The following KCNN3 variants were observed in gnomAD, a reference collection of about 807,000 sequenced individuals.
KCNN3 encodes small conductance calcium-activated potassium channel protein 3.
KCNN3 carries 16 observed loss-of-function variants against 62.9 expected under a neutral mutation model. The observed-to-expected ratio is 0.25, with a 90% CI of 0.17 to 0.39. The LOEUF (loss-of-function observed/expected upper bound fraction) is 0.39. Among genes scored for constraint, KCNN3 ranks in the 10% least tolerant of loss-of-function variants. The probability of loss-of-function intolerance (pLI) is 1.00; values close to 1 mark genes in which losing one functional copy is unlikely to be tolerated. For synonymous variants in KCNN3, 370 were observed against 389.2 expected (o/e 0.95, Z 0.58); for missense variants, 599 against 949.4 (o/e 0.63, Z 4.85).
In KCNN3 at chr1:154,701,558, T is replaced by C. The variant is rs576556644; in HGVS notation, c.*6418A>G. ...GATTCCATGAGTTGCTTAATTTTGCTATAAAGGACAATATCTCAACGGGAA... is the reference window on the plus strand; with the variant it reads ...GATTCCATGAGTTGCTTAATTTTGCCATAAAGGACAATATCTCAACGGGAA... On this transcript the variant is annotated 3_prime_UTR_variant, in exon 8 of 8. Transcript: ENST00000271915. 1.3e-5 allele frequency: 2 copies of C among 149,416 alleles called. No homozygotes were observed. The highest frequency in any genetic ancestry group is 3.9e-4 in the East Asian group (2 of 5,068). 9.3% of individuals were successfully genotyped at this position (149,416 alleles called of 1,614,324 possible). A position where few individuals can be genotyped will look rare whatever the true frequency, so the allele number is the denominator to read the frequency against.
At chr1:154,822,025 G>C in intron 2 of KCNN3, 64 bp downstream of exon 2, 2 of 1,266,950 alleles carry the variant, frequency 1.6e-6, no homozygotes, top group Non-Finnish European at 2.3e-6. Context: ...GTGGGGATGG[G>C]CTCGGCTCAG....
chr1:154,839,924 G>C (rs34292822), intron 1 of KCNN3, among the ~76,000 whole-genome samples: 44,049 of 152,108 alleles, frequency 0.29, 6,721 homozygotes, highest in African/African-American at 0.33. Context: ...GGGCAGGGTG[G>C]GCAGAGAGGC....
chr1:154,725,612 C>T (rs983192712), intron 5 of KCNN3, among the ~76,000 whole-genome samples: 6 of 150,672 alleles, frequency 4.0e-5, no homozygotes, highest in African/African-American at 7.4e-5. Context: ...AGTGCGATCT[C>T]GGCTCACTGC....
chr1:154,734,992 G>A lies in KCNN3; in HGVS notation c.1449-1848C>T, dbSNP rs1038091561. Among the ~76,000 whole-genome samples the A allele has an allele frequency of 2.0e-5, 3 of 150,800 alleles. No individual in the cohort carries two copies. The South Asian group carries it at 6.3e-4, about 32-fold the overall frequency. The stretch of plus-strand genomic sequence containing the variant: ...CCTGGGCTCCAGTAGCAGGTGACCA[G>A]GGGGCTTCAGAGACCAGGGGTCAGA... On this transcript the variant is annotated intron_variant, in intron 3 of 7. Coordinates refer to ENST00000271915, the MANE Select transcript of KCNN3 (RefSeq NM_002249.6).
At chr1:154,814,655 C>T (rs1650583449) in intron 2 of KCNN3, among the ~76,000 whole-genome samples, 1 of 152,194 alleles carries the variant, frequency 6.6e-6, no homozygotes, top group Non-Finnish European at 1.5e-5. Context: ...AAGCGCTAGA[C>T]AAGATGTGGC....
intron 1 of KCNN3, among the ~76,000 whole-genome samples, chr1:154,843,066 C>T (rs1651903077): frequency 6.6e-6 from 1 of 152,142 alleles, no homozygotes; most frequent in African/African-American, 2.4e-5. Context: ...GCTATGAGTG[C>T]CTTCATATCT....
At chr1:154,853,058 C>T (rs1652367536) in intron 1 of KCNN3, among the ~76,000 whole-genome samples, 1 of 152,180 alleles carries the variant, frequency 6.6e-6, no homozygotes, top group Non-Finnish European at 1.5e-5. Context: ...GGCGTAATCA[C>T]AGCTCACTGC....
intron 4 of KCNN3, among the ~76,000 whole-genome samples, chr1:154,727,792 T>C (rs931696750): frequency 6.6e-6 from 1 of 152,186 alleles, no homozygotes; most frequent in Non-Finnish European, 1.5e-5. Context: ...AAGCAAAAAA[T>C]AGCTTAAAAG....
intron 1 of KCNN3, among the ~76,000 whole-genome samples, chr1:154,852,710 T>A (rs1464781475): frequency 6.6e-6 from 1 of 152,262 alleles, no homozygotes; most frequent in Non-Finnish European, 1.5e-5. Flanking sequence ...ATTCTGGCTA[T>A]GTTGGGTTAA....
At chr1:154,722,241 A>G (rs911731644) in intron 5 of KCNN3, among the ~76,000 whole-genome samples, 2 of 152,180 alleles carry the variant, frequency 1.3e-5, no homozygotes, top group African/African-American at 4.8e-5. Context: ...TCAAGGTTGC[A>G]TATACCGGTA....
chr1:154,789,318 C>G (rs1649412262), intron 2 of KCNN3, among the ~76,000 whole-genome samples: 1 of 152,182 alleles, frequency 6.6e-6, no homozygotes, highest in Non-Finnish European at 1.5e-5. Context: ...ACCCAGGATA[C>G]TCTCCTCCAT....
chr1:154,756,856 T>A (rs1028390640), intron 3 of KCNN3, among the ~76,000 whole-genome samples: 1 of 152,226 alleles, frequency 6.6e-6, no homozygotes, highest in African/African-American at 2.4e-5. Flanking sequence ...AAATCATGTG[T>A]GTTTTATGCT....
chr1:154,726,142 C>T lies in KCNN3; in HGVS notation c.1591-116G>A, dbSNP rs1700457226. 8 of 716,056 alleles carry T rather than the reference C, an allele frequency of 1.1e-5. No homozygotes were observed. The East Asian group carries it at 2.2e-4, about 20-fold the overall frequency. The allele number at this position is 716,056 out of a possible 1,614,324, so 44.4% of individuals were successfully genotyped here. A position where few individuals can be genotyped will look rare whatever the true frequency, so the allele number is the denominator to read the frequency against. On this transcript the variant is annotated intron_variant, in intron 4 of 7. Transcript: ENST00000271915. ...TAATTTCCTGGGAGTGGAGTGGGAACTTGAGCTCTCTGGCTGGTCACGACC... is the reference window on the plus strand; with the variant it reads ...TAATTTCCTGGGAGTGGAGTGGGAATTTGAGCTCTCTGGCTGGTCACGACC...
chr1:154,749,146 G>A (rs1242474184), intron 3 of KCNN3, among the ~76,000 whole-genome samples: 3 of 152,196 alleles, frequency 2.0e-5, no homozygotes, highest in African/African-American at 4.8e-5. Flanking sequence ...TGCTTCCCAG[G>A]AGAGTAAGAC....
intron 5 of KCNN3, among the ~76,000 whole-genome samples, chr1:154,725,323 G>A (rs1033069550): frequency 6.6e-6 from 1 of 151,982 alleles, no homozygotes; most frequent in Non-Finnish European, 1.5e-5. Context: ...GATTTATTTG[G>A]TATCATCAGG....
intron 3 of KCNN3, among the ~76,000 whole-genome samples, chr1:154,746,833 T>TG (rs1358499096): frequency 6.6e-6 from 1 of 152,198 alleles, no homozygotes; most frequent in Non-Finnish European, 1.5e-5. Context: ...TTGCACCCAC[T>TG]GGGTGGCCAG....
chr1:154,794,994 T>A (rs1649669573), intron 2 of KCNN3, among the ~76,000 whole-genome samples: 1 of 152,216 alleles, frequency 6.6e-6, no homozygotes. Context: ...TCACAGTTAG[T>A]TGTCATGGCT....
At chr1:154,750,528 C>T (rs1471622292) in intron 3 of KCNN3, among the ~76,000 whole-genome samples, 1 of 152,098 alleles carries the variant, frequency 6.6e-6, no homozygotes, top group African/African-American at 2.4e-5. Context: ...CATCAACTCT[C>T]ACAGCTCTGG....
At chr1:154,738,447 G>A (rs1172353205) in intron 3 of KCNN3, among the ~76,000 whole-genome samples, 1 of 152,222 alleles carries the variant, frequency 6.6e-6, no homozygotes, top group East Asian at 1.9e-4. Context: ...TTTCAGATAC[G>A]TAAGGTTGTC....
Sources: gnomAD v4.1 joint callset for allele counts (sites outside exome capture counted in the v4.1 genomes callset) on GRCh38, gnomAD v4.1.1 for gene constraint, MANE v1.5 for transcripts, NCBI Gene and HGNC (gene_info 2026-07-23, HGNC 2026-07-21) for gene names.